Variants in MILR1 observed in about 807,000 individuals in gnomAD.
The protein encoded by MILR1 is allergin-1.
A neutral mutation model predicts 18.5 loss-of-function variants in MILR1; 31 were observed. That is an observed-to-expected ratio of 1.68 (90% CI 1.26 to 2.26). MILR1 has a LOEUF of 2.26. Ranked by LOEUF, MILR1 falls within the 30% of genes most tolerant of loss-of-function variation. The pLI is 0.00. For missense variants in MILR1, 257 were observed against 157.4 expected (o/e 1.63, Z -3.38); for synonymous variants, 85 against 56.2 (o/e 1.51, Z -2.30).
intron 3 of MILR1, among the ~76,000 whole-genome samples, chr17:64,456,232 G>C (rs2037297994): frequency 6.6e-6 from 1 of 151,676 alleles, no homozygotes; most frequent in Non-Finnish European, 1.5e-5. Context: ...GGTCAAATGA[G>C]ATCATGTGAC....
At chr17:64,490,957 G>T in the MILR1 span, 1 of 1,613,338 alleles carries the variant, frequency 6.2e-7, no homozygotes, top group Middle Eastern at 1.7e-4. Flanking sequence ...AAGTTAGATG[G>T]ACTCATGGCA....
intron 3 of MILR1, among the ~76,000 whole-genome samples, chr17:64,454,291 A>G (rs1235140272): frequency 2.6e-5 from 4 of 152,162 alleles, no homozygotes; most frequent in East Asian, 3.9e-4. Flanking sequence ...CTCACAGGCA[A>G]TCAAAGCCCA....
downstream of MILR1, among the ~76,000 whole-genome samples, chr17:64,469,248 A>G (rs1555664119): frequency 6.6e-6 from 1 of 152,126 alleles, no homozygotes; most frequent in African/African-American, 2.4e-5. Context: ...CAACTACCCT[A>G]TTTCCCTCAG....
At chr17:64,491,466 T>C in the MILR1 span, 1 of 1,061,940 alleles carries the variant, frequency 9.4e-7, no homozygotes, top group Non-Finnish European at 1.4e-6. Context: ...GCTGTGATTG[T>C]GCAACGGCAG....
chr17:64,494,501 G>A, the MILR1 span, among the ~76,000 whole-genome samples: 1 of 152,112 alleles, frequency 6.6e-6, no homozygotes, highest in Non-Finnish European at 1.5e-5. Context: ...ATCATGAAAT[G>A]GTGAATTTTC....
chr17:64,451,789 T>A (rs995156674), intron 2 of MILR1, among the ~76,000 whole-genome samples: 1 of 151,844 alleles, frequency 6.6e-6, no homozygotes, highest in Non-Finnish European at 1.5e-5. Flanking sequence ...AAAAATTAGC[T>A]GGGCATGGTG....
chr17:64,496,753 G>T, the MILR1 span: 1 of 1,614,032 alleles, frequency 6.2e-7, no homozygotes, highest in East Asian at 2.2e-5. Context: ...TTCTCTGACA[G>T]ATCTCTAACA....
At chr17:64,493,120 C>A in the MILR1 span, 1 of 1,303,588 alleles carries the variant, frequency 7.7e-7, no homozygotes, top group East Asian at 2.3e-5. Context: ...GTTAACACAG[C>A]ATAAAGACAG....
At chr17:64,491,646 T>C in the MILR1 span, 2 of 1,408,296 alleles carry the variant, frequency 1.4e-6, no homozygotes, top group South Asian at 2.3e-5. Flanking sequence ...TCAAAGAGGT[T>C]ACTACTGGTA....
In MILR1 at chr17:64,451,346, G is replaced by C. The variant is rs925295153; in HGVS notation, c.98-1251G>C. On this transcript the variant is annotated intron_variant, in intron 2 of 9. Transcript: ENST00000619286. ...TAGTAGAGACAGGGTTTCACCATTT[G>C]CCCAGGCTGGTCTCGAACTCCTGGA... 6.1e-3 allele frequency among the ~76,000 whole-genome samples: 927 copies of C among 151,694 alleles called. 8 individuals are homozygous for C. Among genetic ancestry groups the C allele is most frequent in the African/African-American group, 0.022 (891 of 41,362 alleles).
chr17:64,453,609 A>T (rs928174129), intron 3 of MILR1, among the ~76,000 whole-genome samples: 8 of 103,994 alleles, frequency 7.7e-5, no homozygotes, highest in African/African-American at 3.0e-4. Context: ...CGCCTTTCCC[A>T]CCGCTTCCTT....
At chr17:64,474,705 C>G in the MILR1 span, among the ~76,000 whole-genome samples, 1 of 152,050 alleles carries the variant, frequency 6.6e-6, no homozygotes. Context: ...AATACACACT[C>G]TCCTATATTT....
the MILR1 span, among the ~76,000 whole-genome samples, chr17:64,489,074 G>A: frequency 5.0e-5 from 7 of 139,188 alleles, no homozygotes; most frequent in East Asian, 1.4e-3. Context: ...TGCACAGGCT[G>A]GAGTGCAGCA....
the MILR1 span, among the ~76,000 whole-genome samples, chr17:64,476,238 C>G: frequency 6.6e-6 from 1 of 151,198 alleles, no homozygotes; most frequent in Non-Finnish European, 1.5e-5. Flanking sequence ...AAAATATAAA[C>G]ATACTACCAT....
rs868961428 is a variant in MILR1 at position 64,466,517 on chromosome 17, G to C, written c.910+19G>C. ...CAAGATGGTGAGCATGTTCTGCAGA[G>C]TCTATTCCACTGCCCTCATGCGCTT... On this transcript the variant is annotated intron_variant, in intron 7 of 9. Coordinates refer to ENST00000619286, the MANE Select transcript of MILR1 (RefSeq NM_001085423.2). The C allele has an allele frequency of 6.2e-7, 1 of 1,613,360 alleles. No homozygotes were observed. Among genetic ancestry groups the C allele is most frequent in the Non-Finnish European group, 8.5e-7 (1 of 1,179,584 alleles).
chr17:64,494,241 C>T, the MILR1 span, among the ~76,000 whole-genome samples: 9 of 152,230 alleles, frequency 5.9e-5, no homozygotes, highest in African/African-American at 2.2e-4. Context: ...TGATTGTTTC[C>T]TTATGATTTA....
chr17:64,465,543 T>A lies in MILR1; in HGVS notation c.853+2T>A. The A allele has an allele frequency of 6.2e-7, 1 of 1,602,874 alleles. No homozygotes were observed. The highest frequency in any genetic ancestry group is 2.2e-5 in the East Asian group (1 of 44,636). On this transcript the variant is annotated splice_donor_variant, in intron 6 of 9. Transcript: ENST00000619286. LOFTEE classifies it high-confidence loss of function. ...CAAATATCCTTGAAAAACAAGCAAG[T>A]AAGAGAACTTTGTTGCGTGTTTTGG...
At chr17:64,492,629 T>G in the MILR1 span, 1 of 1,170,660 alleles carries the variant, frequency 8.5e-7, no homozygotes, top group Admixed American at 1.7e-5. Context: ...AGACAATTTA[T>G]GTATTAACTA....
chr17:64,453,162 G>C lies in MILR1; in HGVS notation c.367+296G>C, dbSNP rs2037212751. ...TGGTCCACTGCAAACTCCACCTCCT[G>C]GGTTCAAGGCATTCTCCTGCCTCAG... On this transcript the variant is annotated intron_variant, in intron 3 of 9. Transcript: ENST00000619286. Among the ~76,000 whole-genome samples, 3 of 151,246 alleles carry C rather than the reference G, an allele frequency of 2.0e-5. No homozygotes were observed. In the South Asian group the frequency reaches 6.3e-4, roughly 32 times the overall value.
Sources: gnomAD v4.1 joint callset for allele counts (sites outside exome capture counted in the v4.1 genomes callset) on GRCh38, gnomAD v4.1.1 for gene constraint, MANE v1.5 for transcripts, NCBI Gene and HGNC (gene_info 2026-07-23, HGNC 2026-07-21) for gene names.